UBE2E2: variants seen among roughly 807,000 people sequenced by gnomAD.
The protein encoded by UBE2E2 is ubiquitin conjugating enzyme E2 E2.
UBE2E2 carries 6 observed loss-of-function variants against 24.7 expected under a neutral mutation model. That is an observed-to-expected ratio of 0.24 (90% CI 0.13 to 0.48). UBE2E2 has a LOEUF of 0.48. UBE2E2 is among the 20% of genes least tolerant of loss of function. The probability of loss-of-function intolerance (pLI) is 0.99; values close to 1 mark genes in which losing one functional copy is unlikely to be tolerated. For synonymous variants in UBE2E2, 104 were observed against 83.6 expected, an observed-to-expected ratio of 1.24 and a Z score of -1.33; for missense variants, 169 against 245.0, an observed-to-expected ratio of 0.69 and a Z score of 2.07.
At chr3:23,419,632 A>G (rs1172260351) in intron 3 of UBE2E2, among the ~76,000 whole-genome samples, 1 of 152,194 alleles carries the variant, frequency 6.6e-6, no homozygotes, top group East Asian at 1.9e-4. Flanking sequence ...CCTGCCGTGC[A>G]TAGTTTTGAA....
intron 3 of UBE2E2, among the ~76,000 whole-genome samples, chr3:23,224,097 T>A (rs1696743520): frequency 6.6e-6 from 1 of 152,060 alleles, no homozygotes. Context: ...CCAGCTTCAT[T>A]CTTTTTGCTC....
At chr3:23,324,206 T>C (rs2125293089) in intron 3 of UBE2E2, among the ~76,000 whole-genome samples, 1 of 152,292 alleles carries the variant, frequency 6.6e-6, no homozygotes, top group Middle Eastern at 3.4e-3. Context: ...TATGATTATT[T>C]GGGACCTGGA....
At chr3:23,459,284 C>T (rs981462239) in intron 3 of UBE2E2, among the ~76,000 whole-genome samples, 1 of 152,146 alleles carries the variant, frequency 6.6e-6, no homozygotes, top group Admixed American at 6.5e-5. Context: ...GCTGATTCAA[C>T]AAAATGAACT....
chr3:23,219,961 T>C (rs1434790052), intron 3 of UBE2E2, among the ~76,000 whole-genome samples: 2 of 152,106 alleles, frequency 1.3e-5, no homozygotes, highest in Admixed American at 6.6e-5. Context: ...GTTTGTCAGG[T>C]TAGATGGAAC....
intron 3 of UBE2E2, among the ~76,000 whole-genome samples, chr3:23,424,381 A>C (rs903810396): frequency 6.6e-6 from 1 of 151,860 alleles, no homozygotes; most frequent in Non-Finnish European, 1.5e-5. Context: ...CTACTCTTGT[A>C]GGGGAGCAGG....
At chr3:23,565,246 C>A (rs2125507698) in intron 5 of UBE2E2, among the ~76,000 whole-genome samples, 1 of 152,038 alleles carries the variant, frequency 6.6e-6, no homozygotes, top group Non-Finnish European at 1.5e-5. Flanking sequence ...ATGAACGTGT[C>A]AGGAAGGGGA....
chr3:23,450,479 G>A (rs955175181), intron 3 of UBE2E2, among the ~76,000 whole-genome samples: 13 of 152,066 alleles, frequency 8.5e-5, no homozygotes, highest in Non-Finnish European at 1.9e-4. Context: ...CATTGCTATA[G>A]ATACACCTCT....
chr3:23,381,354 A>G (rs181432209), intron 3 of UBE2E2, among the ~76,000 whole-genome samples: 142 of 152,302 alleles, frequency 9.3e-4, no homozygotes, highest in African/African-American at 3.2e-3. Context: ...CAAAATTCCA[A>G]TAAATCTATA....
chr3:23,561,742 T>C (rs1695934157), intron 5 of UBE2E2, among the ~76,000 whole-genome samples: 1 of 152,328 alleles, frequency 6.6e-6, no homozygotes, highest in Non-Finnish European at 1.5e-5. Context: ...TCCTCTTTTA[T>C]TTCATTGAGC....
chr3:23,498,031 G>A (rs542103948), intron 3 of UBE2E2, among the ~76,000 whole-genome samples: 137 of 151,970 alleles, frequency 9.0e-4, no homozygotes, highest in Admixed American at 1.6e-3. Context: ...TCATTTCCCC[G>A]ATTTTGATGA....
chr3:23,408,702 C>T (rs1206321012), intron 3 of UBE2E2, among the ~76,000 whole-genome samples: 2 of 152,104 alleles, frequency 1.3e-5, no homozygotes, highest in Non-Finnish European at 2.9e-5. Flanking sequence ...TCTGAGCTGG[C>T]CCTCATAGGC....
intron 3 of UBE2E2, among the ~76,000 whole-genome samples, chr3:23,498,564 A>G (rs1302934839): frequency 1.3e-5 from 2 of 152,198 alleles, no homozygotes; most frequent in African/African-American, 2.4e-5. Context: ...ATCTCCCTCC[A>G]TTTATTTAAC....
chr3:23,498,658 C>G (rs889648156), intron 3 of UBE2E2, among the ~76,000 whole-genome samples: 1 of 152,062 alleles, frequency 6.6e-6, no homozygotes, highest in Non-Finnish European at 1.5e-5. Context: ...TCATAGCTTC[C>G]CTACAAGACC....
At chr3:23,565,482 G>T in intron 5 of UBE2E2, among the ~76,000 whole-genome samples, 1 of 116,446 alleles carries the variant, frequency 8.6e-6, no homozygotes. Flanking sequence ...CAGTGAAAGA[G>T]GTTTGCAGCT....
intron 3 of UBE2E2, among the ~76,000 whole-genome samples, chr3:23,316,616 G>A (rs896137318): frequency 1.3e-4 from 19 of 151,642 alleles, no homozygotes; most frequent in Admixed American, 3.9e-4. Flanking sequence ...TATTGTGGCC[G>A]GGCACAAGAC....
chr3:23,389,398 G>A (rs1356033383), intron 3 of UBE2E2, among the ~76,000 whole-genome samples: 1 of 152,162 alleles, frequency 6.6e-6, no homozygotes, highest in Non-Finnish European at 1.5e-5. Flanking sequence ...TACGAATGGA[G>A]TTGACTGCTA....
chr3:23,536,878 TACTA>T (rs1313291166), intron 5 of UBE2E2, among the ~76,000 whole-genome samples: 2 of 152,248 alleles, frequency 1.3e-5, no homozygotes, highest in African/African-American at 4.8e-5. Context: ...AAATCAGACA[TACTA>T]ACAGTGTGAC....
rs201672228 is a variant in UBE2E2, at chr3:23,526,327, G to GGAAGGA, written c.361-6227_361-6226insGAAGGA. ...ACATGGGACAGAAAAATGTTAAAGA[G>GGAAGGA]ATCTTCTCCTTCCTCAGGATATTCT... On this transcript the variant is annotated intron_variant, in intron 4 of 5. Coordinates refer to ENST00000396703, the MANE Select transcript of UBE2E2 (RefSeq NM_152653.4). 6.4e-4 allele frequency among the ~76,000 whole-genome samples: 97 copies of GGAAGGA among 152,246 alleles called. 4 individuals carry two copies. In the East Asian group the frequency reaches 0.015, roughly 24 times the overall value.
At chr3:23,449,826 T>A in intron 3 of UBE2E2, 1 of 979,672 alleles carries the variant, frequency 1.0e-6, no homozygotes, top group Non-Finnish European at 1.2e-6. Context: ...TAAAGCTGGC[T>A]AACAATGAAA....
Sources: allele counts gnomAD v4.1 joint callset (sites outside exome capture counted in the v4.1 genomes callset), GRCh38; gene constraint gnomAD v4.1.1; transcripts MANE v1.5; gene names NCBI Gene and HGNC (gene_info 2026-07-23, HGNC 2026-07-21).